Variants in BNC2 observed in about 807,000 individuals in gnomAD.
BNC2 encodes the protein basonuclin zinc finger protein 2, also known as zinc finger protein basonuclin-2.
In BNC2, 20 loss-of-function variants were observed where a neutral mutation model predicts 76.3. The observed-to-expected ratio is 0.26, with a 90% CI of 0.18 to 0.38. BNC2 has a LOEUF of 0.38. BNC2 is among the 10% of genes least tolerant of loss of function. The pLI is 1.00. For synonymous variants in BNC2, 582 were observed against 514.8 expected (o/e 1.13, Z -1.77); for missense variants, 1,382 against 1,399.8 (o/e 0.99, Z 0.20).
rs539538100 is a variant in BNC2, at chr9:16,810,956, C to T, written c.3+59690G>A. The stretch of plus-strand genomic sequence containing the variant: ...GTACAGGGGCCAGCGCAGTGGCTCA[C>T]GCCTGTAATCCCAGCAATTTGGGAG... On this transcript the variant is annotated intron_variant, in intron 1 of 6. Coordinates refer to ENST00000380672, the MANE Select transcript of BNC2 (RefSeq NM_017637.6). 3.6e-3 allele frequency among the ~76,000 whole-genome samples: 549 copies of T among 152,254 alleles called. 3 individuals are homozygous for T. Among genetic ancestry groups the T allele is most frequent in the African/African-American group, 0.012 (497 of 41,548 alleles).
At chr9:16,515,941 A>AG (rs1040037059) in intron 5 of BNC2, among the ~76,000 whole-genome samples, 2 of 124,620 alleles carry the variant, frequency 1.6e-5, no homozygotes, top group Non-Finnish European at 3.5e-5. Flanking sequence ...CACTTCCAAA[A>AG]GGGAAAAAAA....
At chr9:16,588,956 A>T (rs1443714698) in intron 3 of BNC2, among the ~76,000 whole-genome samples, 2 of 152,222 alleles carry the variant, frequency 1.3e-5, no homozygotes, top group South Asian at 2.1e-4. Flanking sequence ...AGGGACACTT[A>T]TCCCAGTTAT....
intron 5 of BNC2, among the ~76,000 whole-genome samples, chr9:16,449,987 C>T (rs1005303416): frequency 3.3e-5 from 5 of 152,108 alleles, no homozygotes; most frequent in Admixed American, 2.6e-4. Flanking sequence ...GTATAAGCCA[C>T]ACTCTTCAGC....
chr9:16,528,929 T>C (rs1486388642), intron 5 of BNC2, among the ~76,000 whole-genome samples: 1 of 152,212 alleles, frequency 6.6e-6, no homozygotes, highest in Non-Finnish European at 1.5e-5. Flanking sequence ...TCTCTCTCTG[T>C]TCCAGAGGCC....
chr9:16,594,058 T>C (rs142423036), intron 3 of BNC2, among the ~76,000 whole-genome samples: 12 of 152,254 alleles, frequency 7.9e-5, no homozygotes, highest in African/African-American at 2.6e-4. Flanking sequence ...AAACAATTAC[T>C]AATATAATAT....
chr9:16,520,433 G>A (rs1205553866), intron 5 of BNC2, among the ~76,000 whole-genome samples: 1 of 152,140 alleles, frequency 6.6e-6, no homozygotes, highest in South Asian at 2.1e-4. Flanking sequence ...AGGAACTGGT[G>A]TAAGAACAAT....
chr9:16,689,293 C>T (rs10810590), intron 3 of BNC2, among the ~76,000 whole-genome samples: 101,544 of 151,726 alleles, frequency 0.67, 37,103 homozygotes, highest in Non-Finnish European at 0.84. Context: ...AAATGGGTGG[C>T]AGAAAGGGGA....
chr9:16,661,877 C>T (rs1822120825), intron 3 of BNC2, among the ~76,000 whole-genome samples: 1 of 152,100 alleles, frequency 6.6e-6, no homozygotes, highest in Non-Finnish European at 1.5e-5. Context: ...ATGCATAAAA[C>T]TAATCTGAAA....
intron 3 of BNC2, among the ~76,000 whole-genome samples, chr9:16,678,496 C>T (rs1426224147): frequency 6.6e-6 from 1 of 151,636 alleles, no homozygotes; most frequent in Non-Finnish European, 1.5e-5. Flanking sequence ...CTCTTGAGCT[C>T]CTGACTCAGG....
At chr9:16,629,898 G>A (rs982255649) in intron 3 of BNC2, among the ~76,000 whole-genome samples, 10 of 152,158 alleles carry the variant, frequency 6.6e-5, no homozygotes, top group African/African-American at 1.7e-4. Context: ...TGATGAAGAC[G>A]GGTGGCTGTG....
intron 5 of BNC2, among the ~76,000 whole-genome samples, chr9:16,500,834 C>A (rs1822502167): frequency 6.6e-6 from 1 of 152,138 alleles, no homozygotes; most frequent in South Asian, 2.1e-4. Flanking sequence ...AAATAAAGTC[C>A]TTTTGCAGGA....
intron 3 of BNC2, among the ~76,000 whole-genome samples, chr9:16,650,528 T>C (rs1282280816): frequency 6.6e-6 from 1 of 152,182 alleles, no homozygotes; most frequent in African/African-American, 2.4e-5. Flanking sequence ...GTTTTCACAG[T>C]AGAAAAGATT....
chr9:16,714,174 A>G (rs907375721), intron 3 of BNC2, among the ~76,000 whole-genome samples: 1 of 152,248 alleles, frequency 6.6e-6, no homozygotes, highest in African/African-American at 2.4e-5. Flanking sequence ...ACATTACACC[A>G]TTCTCAAAAA....
At chr9:16,483,477 A>C (rs1184367381) in intron 5 of BNC2, among the ~76,000 whole-genome samples, 1 of 152,260 alleles carries the variant, frequency 6.6e-6, no homozygotes, top group African/African-American at 2.4e-5. Flanking sequence ...CAGGTTTCCC[A>C]AAATTTTGGT....
At chr9:16,579,980 G>C (rs1323578252) in intron 4 of BNC2, 1 of 396,976 alleles carries the variant, frequency 2.5e-6, no homozygotes, top group African/African-American at 2.1e-5. Context: ...AATGTATCTT[G>C]GTAGTTTTGT....
chr9:16,849,163 T>C (rs1202726585), intron 1 of BNC2, among the ~76,000 whole-genome samples: 1 of 152,036 alleles, frequency 6.6e-6, no homozygotes, highest in Non-Finnish European at 1.5e-5. Context: ...AAGAAACAAA[T>C]GTAAAATTAG....
intron 1 of BNC2, among the ~76,000 whole-genome samples, chr9:16,808,423 C>A (rs910082395): frequency 1.3e-5 from 2 of 151,378 alleles, no homozygotes; most frequent in Non-Finnish European, 2.9e-5. Flanking sequence ...GGAATCACAC[C>A]AACCTGAGCC....
chr9:16,866,149 T>C (rs988255626), intron 1 of BNC2, among the ~76,000 whole-genome samples: 2 of 152,190 alleles, frequency 1.3e-5, no homozygotes, highest in African/African-American at 2.4e-5. Context: ...CTCTTTAACA[T>C]AACTGTATCA....
intron 3 of BNC2, among the ~76,000 whole-genome samples, chr9:16,659,517 A>G (rs921971121): frequency 7.9e-5 from 12 of 151,576 alleles, no homozygotes; most frequent in African/African-American, 2.4e-4. Flanking sequence ...CTGAGGCAGG[A>G]GAATCGCTTG....
Sources: allele counts gnomAD v4.1 joint callset (sites outside exome capture counted in the v4.1 genomes callset), GRCh38; gene constraint gnomAD v4.1.1; transcripts MANE v1.5; gene names NCBI Gene and HGNC (gene_info 2026-07-23, HGNC 2026-07-21).